The following WDR33 variants were observed in gnomAD, a reference collection of about 807,000 sequenced individuals.
WDR33 encodes pre-mRNA 3' end processing protein WDR33.
In WDR33, 47 loss-of-function variants were observed where a neutral mutation model predicts 164.9. The ratio of observed to expected loss-of-function variants is 0.29; its 90% confidence interval spans 0.23 to 0.36. WDR33 has a LOEUF of 0.36. Among genes scored for constraint, WDR33 ranks in the 10% least tolerant of loss-of-function variants. The pLI, the probability that WDR33 is intolerant of heterozygous loss-of-function variation, is 1.00. For missense variants in WDR33, 1,137 were observed against 1,754.1 expected (o/e 0.65, Z 6.28); for synonymous variants, 505 against 589.0 (o/e 0.86, Z 2.06).
At chr2:127,745,508 A>T (rs923801823) in intron 7 of WDR33, among the ~76,000 whole-genome samples, 4 of 152,242 alleles carry the variant, frequency 2.6e-5, no homozygotes, top group African/African-American at 9.6e-5. Context: ...TCCTTTACAG[A>T]AACAGCAACA....
intron 1 of WDR33, among the ~76,000 whole-genome samples, chr2:127,785,193 C>G (rs565426416): frequency 6.6e-6 from 1 of 152,172 alleles, no homozygotes; most frequent in South Asian, 2.1e-4. Flanking sequence ...AGGTTCACAG[C>G]AAAATTGAAC....
At chr2:127,769,369 T>G (rs944742139) in intron 2 of WDR33, among the ~76,000 whole-genome samples, 3 of 152,040 alleles carry the variant, frequency 2.0e-5, no homozygotes, top group Admixed American at 6.6e-5. Flanking sequence ...AGGCGGAGGT[T>G]GCAGTGAGCT....
intron 7 of WDR33, chr2:127,737,501 A>G (rs914591488): frequency 1.0e-6 from 1 of 986,060 alleles, no homozygotes; most frequent in Non-Finnish European, 1.2e-6. Context: ...AAAAGCTAGA[A>G]AAGTGCAAAA....
chr2:127,794,311 C>G (rs1407230522), intron 1 of WDR33, among the ~76,000 whole-genome samples: 2 of 151,158 alleles, frequency 1.3e-5, no homozygotes, highest in African/African-American at 4.9e-5. Flanking sequence ...ACCAGCTTGG[C>G]CAACATGGTA....
At chr2:127,729,880 A>G (rs1686661339) in intron 7 of WDR33, among the ~76,000 whole-genome samples, 2 of 152,202 alleles carry the variant, frequency 1.3e-5, no homozygotes, top group Non-Finnish European at 2.9e-5. Flanking sequence ...AATACAAATA[A>G]TGAAATAAAG....
intron 1 of WDR33, among the ~76,000 whole-genome samples, chr2:127,777,395 C>G (rs2105454025): frequency 6.6e-6 from 1 of 152,334 alleles, no homozygotes; most frequent in African/African-American, 2.4e-5. Flanking sequence ...CCTGAGTACA[C>G]AAAAGTTTGC....
At chr2:127,744,443 T>C (rs977705177) in intron 7 of WDR33, among the ~76,000 whole-genome samples, 14 of 152,116 alleles carry the variant, frequency 9.2e-5, no homozygotes, top group African/African-American at 3.4e-4. Flanking sequence ...GACCTTAATA[T>C]ACAGTATAGT....
At chr2:127,731,010 T>C (rs1686691829) in intron 7 of WDR33, among the ~76,000 whole-genome samples, 1 of 151,952 alleles carries the variant, frequency 6.6e-6, no homozygotes, top group African/African-American at 2.4e-5. Flanking sequence ...TTAACAAAAA[T>C]TGATCAGGCA....
intron 1 of WDR33, among the ~76,000 whole-genome samples, chr2:127,806,090 T>A (rs2104690427): frequency 6.6e-6 from 1 of 152,004 alleles, no homozygotes; most frequent in East Asian, 1.9e-4. Context: ...CCAACCTGGA[T>A]GACAAAGTAA....
At position 127,750,714 on chromosome 2, in the gene WDR33, GTATGTATGCATACATATA is replaced by G. The variant is rs1206524075; in HGVS notation, c.724+12330_724+12347del. Among the ~76,000 whole-genome samples the G allele has an allele frequency of 3.6e-4, 12 of 33,328 alleles. No individual in the cohort carries two copies. The East Asian group carries it at 4.6e-3, about 13-fold the overall frequency. The allele number at this position is 33,328 out of a possible 152,430, so 21.9% of individuals were successfully genotyped here. On this transcript the variant is annotated intron_variant, in intron 7 of 21. Coordinates refer to ENST00000322313, the MANE Select transcript of WDR33 (RefSeq NM_018383.5). ...TATATATATATATATATATATATATGTATGTATGCATACATATATATGTATGCATACATATATATGTAT... is the reference window on the plus strand; with the variant it reads ...TATATATATATATATATATATATATGTATGTATGCATACATATATATGTAT...
chr2:127,783,982 T>C (rs895145427), intron 1 of WDR33, among the ~76,000 whole-genome samples: 1 of 97,288 alleles, frequency 1.0e-5, no homozygotes, highest in Non-Finnish European at 1.9e-5. Context: ...CTGGCCATAT[T>C]AGAAATGAAA....
rs1558943169 is a variant in WDR33, at chr2:127,763,955, C to T, written c.627-796G>A. On this transcript the variant is annotated intron_variant, in intron 6 of 21. Transcript: ENST00000322313. This position sits in a 1 kb window ranked among gnomAD's most constrained non-coding sequence, Gnocchi z 4.5. Reference sequence around the variant, plus strand: ...CAGAAGCATGTTCATCCAACAATTTCTGTTAAGATTCTGAAAGTATGAACA... The same window carrying T: ...CAGAAGCATGTTCATCCAACAATTTTTGTTAAGATTCTGAAAGTATGAACA... 1.0e-6 allele frequency: 1 copy of T among 985,666 alleles called. No individual in the cohort carries two copies. Among genetic ancestry groups the T allele is most frequent in the Non-Finnish European group, 1.2e-6 (1 of 830,226 alleles). 61.1% of individuals were successfully genotyped at this position (985,666 alleles called of 1,614,324 possible).
chr2:127,701,379 C>T lies in WDR33; in HGVS notation c.*4944G>A, dbSNP rs1685872496. 2 of 743,440 alleles carry T rather than the reference C, an allele frequency of 2.7e-6. No individual in the cohort carries two copies. Among genetic ancestry groups the T allele is most frequent in the African/African-American group, 1.8e-5 (1 of 54,544 alleles). 46.1% of individuals were successfully genotyped at this position (743,440 alleles called of 1,614,324 possible). On this transcript the variant is annotated 3_prime_UTR_variant, in exon 22 of 22. Coordinates refer to ENST00000322313, the MANE Select transcript of WDR33 (RefSeq NM_018383.5). ...GGTACTTGGGGACACCACAAAAGTC[C>T]GCAGAGCAGGCACCGCGGCACTTCC...
chr2:127,744,336 T>C (rs1368307133), intron 7 of WDR33, among the ~76,000 whole-genome samples: 3 of 152,170 alleles, frequency 2.0e-5, no homozygotes, highest in Admixed American at 6.5e-5. Flanking sequence ...CAAAAACTTC[T>C]TGCAAATCCC....
intron 18 of WDR33, among the ~76,000 whole-genome samples, chr2:127,711,776 A>ATTTTTTTTTT (rs1284723078): frequency 8.0e-4 from 75 of 94,064 alleles, no homozygotes; most frequent in Admixed American, 1.6e-3. Flanking sequence ...ATATATATAT[A>ATTTTTTTTTT]TATATTTTTT....
rs766574450 is a variant in WDR33, at chr2:127,724,841, GCTCT to G, written c.1085+42_1085+45del. The G allele has an allele frequency of 1.7e-5, 27 of 1,586,668 alleles. No individual in the cohort carries two copies. The African/African-American group carries it at 3.1e-4, about 18-fold the overall frequency. On this transcript the variant is annotated intron_variant, in intron 10 of 21. Coordinates refer to ENST00000322313, the MANE Select transcript of WDR33 (RefSeq NM_018383.5). The surrounding 1 kb of genome is among the most constrained non-coding windows in gnomAD (Gnocchi z 4.8). ...CTATCATGTCTGCACACATTCACGT[GCTCT>G]CTTCACAAAATACACTACTTTTTCA...
chr2:127,702,259 C>A lies in WDR33; in HGVS notation c.*4064G>T, dbSNP rs1471457294. 3 of 1,147,008 alleles carry A rather than the reference C, an allele frequency of 2.6e-6. No homozygotes were observed. The highest frequency in any genetic ancestry group is 4.4e-5 in the South Asian group (1 of 22,986). 71.1% of individuals were successfully genotyped at this position (1,147,008 alleles called of 1,614,324 possible). On this transcript the variant is annotated 3_prime_UTR_variant, in exon 22 of 22. Coordinates refer to ENST00000322313, the MANE Select transcript of WDR33 (RefSeq NM_018383.5). Reference sequence around the variant, plus strand: ...GCCGGCCGAGCTGAGGACTGCACGCCGCTGTGCGGAAGCCCGTGGCGAAGG... The same window carrying A: ...GCCGGCCGAGCTGAGGACTGCACGCAGCTGTGCGGAAGCCCGTGGCGAAGG...
intron 7 of WDR33, among the ~76,000 whole-genome samples, chr2:127,749,224 G>C (rs972451722): frequency 6.6e-6 from 1 of 152,160 alleles, no homozygotes; most frequent in Non-Finnish European, 1.5e-5. Flanking sequence ...TGCAGTCCCA[G>C]CTACTCAGAA....
At chr2:127,749,179 TA>T (rs933544517) in intron 7 of WDR33, among the ~76,000 whole-genome samples, 5 of 152,026 alleles carry the variant, frequency 3.3e-5, no homozygotes, top group Admixed American at 3.3e-4. Flanking sequence ...CTATTAAAAA[TA>T]AAATAAAGTT....
Sources: gnomAD v4.1 joint callset for allele counts (sites outside exome capture counted in the v4.1 genomes callset) on GRCh38, gnomAD v4.1.1 for gene constraint, Gnocchi (gnomAD v3.1) non-coding constraint, MANE v1.5 for transcripts, NCBI Gene and HGNC (gene_info 2026-07-23, HGNC 2026-07-21) for gene names.